CACUL1: variants seen among roughly 807,000 people sequenced by gnomAD.
CACUL1 encodes the protein CDK2-associated and cullin domain-containing protein 1.
In CACUL1, 13 loss-of-function variants were observed where a neutral mutation model predicts 45.2. The ratio of observed to expected loss-of-function variants is 0.29; its 90% confidence interval spans 0.19 to 0.46. CACUL1 has a LOEUF of 0.46. Ranked by LOEUF, CACUL1 falls within the 20% of genes least tolerant of loss-of-function variation. CACUL1 has a pLI of 1.00. For missense variants in CACUL1, 421 were observed against 471.4 expected (o/e 0.89, Z 0.99); for synonymous variants, 197 against 174.2 (o/e 1.13, Z -1.03).
chr10:118,703,964 ATT>A (rs35107331), intron 4 of CACUL1, among the ~76,000 whole-genome samples: 1 of 151,948 alleles, frequency 6.6e-6, no homozygotes, highest in African/African-American at 2.4e-5. Context: ...CCAATTTTGC[ATT>A]TTTTCCCCAC....
At chr10:118,727,632 C>G (rs528701743) in intron 3 of CACUL1, among the ~76,000 whole-genome samples, 1 of 152,196 alleles carries the variant, frequency 6.6e-6, no homozygotes, top group African/African-American at 2.4e-5. Flanking sequence ...AACGACATTA[C>G]TTACAAGACT....
chr10:118,684,155 C>G lies in CACUL1; in HGVS notation c.*1973G>C, dbSNP rs1352162535. The G allele has an allele frequency of 6.6e-6, 1 of 152,622 alleles. No homozygotes were observed. The highest frequency in any genetic ancestry group is 2.4e-5 in the African/African-American group (1 of 41,444). 9.5% of individuals were successfully genotyped at this position (152,622 alleles called of 1,614,324 possible). A position where few individuals can be genotyped will look rare whatever the true frequency, so the allele number is the denominator to read the frequency against. On this transcript the variant is annotated 3_prime_UTR_variant, in exon 9 of 9. Coordinates refer to ENST00000369151, the MANE Select transcript of CACUL1 (RefSeq NM_153810.5). ...TGCCAATTCACATTATACTGTGATGCTTTTATAGGGAAAGTTCTTTTGTAA... is the reference window on the plus strand; with the variant it reads ...TGCCAATTCACATTATACTGTGATGGTTTTATAGGGAAAGTTCTTTTGTAA...
intron 3 of CACUL1, among the ~76,000 whole-genome samples, chr10:118,721,039 CTTA>C (rs1048206062): frequency 3.8e-4 from 58 of 152,298 alleles, no homozygotes; most frequent in African/African-American, 1.3e-3. Flanking sequence ...AAGCAATTTT[CTTA>C]TTATCTAAAA....
At chr10:118,740,925 CA>C (rs1413058257) in intron 1 of CACUL1, among the ~76,000 whole-genome samples, 55 of 60,242 alleles carry the variant, frequency 9.1e-4, no homozygotes, top group Admixed American at 1.7e-3. Flanking sequence ...GATTCCATCT[CA>C]AAAAAAAAAA....
intron 6 of CACUL1, 137 bp downstream of exon 6, chr10:118,695,004 A>T (rs929117891): frequency 1.7e-6 from 1 of 600,158 alleles, no homozygotes; most frequent in East Asian, 2.8e-5. Context: ...TTTCACAATG[A>T]TGAGTATCTA....
rs1388165630 is a variant in CACUL1, at chr10:118,745,306, C to A, written c.367+9090G>T. Among the ~76,000 whole-genome samples, 3 of 152,054 alleles carry A rather than the reference C, an allele frequency of 2.0e-5. No individual in the cohort carries two copies. The East Asian group carries it at 5.8e-4, about 29-fold the overall frequency. ...GGCCCAGTGGCTCATGACTGTAATC[C>A]TAGCACTTTGGGAGGCCGAGGTAGG... On this transcript the variant is annotated intron_variant, in intron 1 of 8. Coordinates refer to ENST00000369151, the MANE Select transcript of CACUL1 (RefSeq NM_153810.5).
chr10:118,706,519 G>A (rs530425529), intron 4 of CACUL1, among the ~76,000 whole-genome samples: 1 of 152,326 alleles, frequency 6.6e-6, no homozygotes, highest in African/African-American at 2.4e-5. Context: ...TTCCCAGTAA[G>A]TTAATTCTGC....
intron 3 of CACUL1, among the ~76,000 whole-genome samples, chr10:118,719,032 G>A (rs577156268): frequency 6.6e-6 from 1 of 152,324 alleles, no homozygotes; most frequent in African/African-American, 2.4e-5. Flanking sequence ...CATGCACAGA[G>A]ATGTCCCACA....
At chr10:118,745,988 CA>C (rs529304054) in intron 1 of CACUL1, among the ~76,000 whole-genome samples, 240 of 133,674 alleles carry the variant, frequency 1.8e-3, no homozygotes, top group East Asian at 4.4e-3. Context: ...AAAAAAAATA[CA>C]AAAAAAAAAA....
chr10:118,746,136 A>T (rs1845841057), intron 1 of CACUL1, among the ~76,000 whole-genome samples: 1 of 139,106 alleles, frequency 7.2e-6, no homozygotes, highest in East Asian at 2.3e-4. Flanking sequence ...TGGGCAACAG[A>T]GCGAGACACT....
intron 2 of CACUL1, 84 bp from the exon 3 acceptor site, chr10:118,729,481 T>G (rs1185596987): frequency 1.1e-6 from 1 of 883,000 alleles, no homozygotes; most frequent in Non-Finnish European, 1.8e-6. Context: ...ACTTTTGATA[T>G]ATAACCACTG....
intron 3 of CACUL1, among the ~76,000 whole-genome samples, chr10:118,723,254 G>A (rs1271364858): frequency 3.3e-5 from 5 of 151,496 alleles, no homozygotes; most frequent in Non-Finnish European, 7.4e-5. Context: ...TGTTAACTAT[G>A]TTTTTTTACT....
At chr10:118,714,223 TA>T (rs1845520385) in intron 3 of CACUL1, among the ~76,000 whole-genome samples, 1 of 152,206 alleles carries the variant, frequency 6.6e-6, no homozygotes, top group Non-Finnish European at 1.5e-5. Context: ...TCTATTCCAT[TA>T]AAAACCACGG....
intron 5 of CACUL1, among the ~76,000 whole-genome samples, chr10:118,697,132 T>C (rs1478551058): frequency 6.6e-6 from 1 of 152,154 alleles, no homozygotes; most frequent in Non-Finnish European, 1.5e-5. Context: ...GAAAAAGAAA[T>C]GGGAGTTTGG....
chr10:118,753,112 G>T lies in CACUL1; in HGVS notation c.367+1284C>A, dbSNP rs185177892. On this transcript the variant is annotated intron_variant, in intron 1 of 8. Coordinates refer to ENST00000369151, the MANE Select transcript of CACUL1 (RefSeq NM_153810.5). ...AACTTTACTAAGGCAATCTTCCTTC[G>T]TGACTCAGGTGAAGTCATTCTGCCA... Among the ~76,000 whole-genome samples the T allele has an allele frequency of 2.0e-4, 30 of 152,116 alleles. No homozygotes were observed. The East Asian group carries it at 5.6e-3, about 28-fold the overall frequency.
chr10:118,708,582 C>T (rs1229754082), intron 3 of CACUL1, among the ~76,000 whole-genome samples: 1 of 152,066 alleles, frequency 6.6e-6, no homozygotes, highest in Admixed American at 6.5e-5. Flanking sequence ...CTGTGTTCCT[C>T]GAAAATTCCT....
chr10:118,684,398 C>T lies in CACUL1; in HGVS notation c.*1730G>A, dbSNP rs572730214. ...ATGATGAATGGAATTCTCCTTGATACTAGAATGTTACCAGTGTAGCAACTT... is the reference window on the plus strand; with the variant it reads ...ATGATGAATGGAATTCTCCTTGATATTAGAATGTTACCAGTGTAGCAACTT... On this transcript the variant is annotated 3_prime_UTR_variant, in exon 9 of 9. Transcript: ENST00000369151. The T allele has an allele frequency of 2.6e-5, 4 of 152,140 alleles. No individual in the cohort carries two copies. The highest frequency in any genetic ancestry group is 6.5e-5 in the Admixed American group (1 of 15,282). 9.4% of individuals were successfully genotyped at this position (152,140 alleles called of 1,614,324 possible).
chr10:118,686,679 A>C, intron 7 of CACUL1, 38 bp from the exon 8 acceptor site: 5 of 1,453,698 alleles, frequency 3.4e-6, no homozygotes, highest in African/African-American at 1.4e-5. Flanking sequence ...AACTGACTTC[A>C]CATCAAAACA....
intron 1 of CACUL1, among the ~76,000 whole-genome samples, chr10:118,753,146 G>A (rs4752197): frequency 0.71 from 107,993 of 152,108 alleles, 39,451 homozygotes; most frequent in Non-Finnish European, 0.8. Context: ...CACTCTACAG[G>A]AGGTCTGGTT....
Sources: allele counts gnomAD v4.1 joint callset (sites outside exome capture counted in the v4.1 genomes callset), GRCh38; gene constraint gnomAD v4.1.1; transcripts MANE v1.5; gene names NCBI Gene and HGNC (gene_info 2026-07-23, HGNC 2026-07-21).